TBC1D2B: variants seen among roughly 807,000 people sequenced by gnomAD.
TBC1D2B encodes the protein TBC1 domain family, member 2B.
TBC1D2B carries 64 observed loss-of-function variants against 100.8 expected under a neutral mutation model. That is an observed-to-expected ratio of 0.64 (90% CI 0.52 to 0.78). The LOEUF is 0.78. Ranked by LOEUF, TBC1D2B falls within the 30% of genes least tolerant of loss-of-function variation. TBC1D2B has a pLI of 0.00. For synonymous variants in TBC1D2B, 480 were observed against 479.7 expected, an observed-to-expected ratio of 1.00 and a Z score of -0.01; for missense variants, 1,052 against 1,218.4, an observed-to-expected ratio of 0.86 and a Z score of 2.03.
intron 1 of TBC1D2B, among the ~76,000 whole-genome samples, chr15:78,071,577 T>A (rs1183313647): frequency 6.6e-6 from 1 of 152,092 alleles, no homozygotes; most frequent in East Asian, 1.9e-4. Flanking sequence ...TGGGGAAGGG[T>A]GAGTCATAAC....
intron 10 of TBC1D2B, among the ~76,000 whole-genome samples, chr15:78,008,481 A>G (rs1294186975): frequency 6.6e-6 from 1 of 152,156 alleles, no homozygotes; most frequent in Non-Finnish European, 1.5e-5. Flanking sequence ...CCCTGCCCAG[A>G]CTTCCTCAGG....
At chr15:78,010,212 A>C (rs2072186498) in intron 9 of TBC1D2B, among the ~76,000 whole-genome samples, 1 of 152,184 alleles carries the variant, frequency 6.6e-6, no homozygotes, top group Admixed American at 6.5e-5. Context: ...CTGCATGCAC[A>C]GCAGGGGAAG....
chr15:78,046,529 T>C (rs991345259), intron 2 of TBC1D2B, among the ~76,000 whole-genome samples: 1 of 152,002 alleles, frequency 6.6e-6, no homozygotes, highest in African/African-American at 2.4e-5. Context: ...AGGGTCTCAG[T>C]GAACACGACT....
intron 1 of TBC1D2B, among the ~76,000 whole-genome samples, chr15:78,073,886 T>C (rs1596333660): frequency 6.6e-6 from 1 of 150,918 alleles, no homozygotes; most frequent in East Asian, 2.0e-4. Flanking sequence ...GGAGAATTGC[T>C]TGAACCCGGG....
intron 6 of TBC1D2B, 61 bp from the exon 7 acceptor site, chr15:78,018,018 C>T: frequency 1.1e-6 from 1 of 873,886 alleles, no homozygotes. Flanking sequence ...AATTAATTAC[C>T]CTATGTAGTC....
intron 3 of TBC1D2B, among the ~76,000 whole-genome samples, chr15:78,041,568 T>C (rs954696048): frequency 2.0e-5 from 3 of 152,240 alleles, no homozygotes; most frequent in Admixed American, 6.5e-5. Context: ...GCATTTTGAG[T>C]GCATTAAAAA....
chr15:77,995,600 G>A lies in TBC1D2B; in HGVS notation c.*2560C>T, dbSNP rs2071730090. The A allele has an allele frequency of 6.6e-6, 1 of 152,364 alleles. No homozygotes were observed. The highest frequency in any genetic ancestry group is 2.4e-5 in the African/African-American group (1 of 41,426). 9.4% of individuals were successfully genotyped at this position (152,364 alleles called of 1,614,324 possible). A position where few individuals can be genotyped will look rare whatever the true frequency, so the allele number is the denominator to read the frequency against. On this transcript the variant is annotated 3_prime_UTR_variant, in exon 13 of 13. Coordinates refer to ENST00000300584, the MANE Select transcript of TBC1D2B (RefSeq NM_144572.2). Reference sequence around the variant, plus strand: ...AATCTAGAAACACCTTGAGAAAATAGCCTATAAAAATATAAACTGTAGTGA... The same window carrying A: ...AATCTAGAAACACCTTGAGAAAATAACCTATAAAAATATAAACTGTAGTGA...
chr15:78,059,659 C>T (rs1412861334), intron 1 of TBC1D2B, among the ~76,000 whole-genome samples: 1 of 152,062 alleles, frequency 6.6e-6, no homozygotes, highest in Non-Finnish European at 1.5e-5. Flanking sequence ...CCAGCTGCTC[C>T]CACAAGCTGC....
intron 3 of TBC1D2B, among the ~76,000 whole-genome samples, chr15:78,039,061 G>A (rs2073014103): frequency 6.6e-6 from 1 of 152,210 alleles, no homozygotes; most frequent in African/African-American, 2.4e-5. Flanking sequence ...ATGGGCCAAA[G>A]AGCAAGTTGC....
Position 78,024,467 on chromosome 15 carries a change from A to C in TBC1D2B, c.1159T>G (p.Cys387Gly). The change falls in exon 6 of 13, where the codon TGT becomes GGT. Residue 387 changes from cysteine (C) to glycine (G), a missense_variant. Physicochemically the swap from Cys to Gly is radical, Grantham distance 159. This residue lies in a region of TBC1D2B where 627 missense variants were observed against 646.1 expected (regional missense o/e 0.97). Coordinates refer to ENST00000300584, the MANE Select transcript of TBC1D2B (RefSeq NM_144572.2). ...YDKYFTSSRL[C>G]EGVPKDTLEL... is the part of the protein sequence containing the mutation. ...AGCGTGTCCTTTGGGACCCCCTCAC[A>C]GAGCCGGCTGCTTGTGAAATACTTG... The C allele has an allele frequency of 6.2e-7, 1 of 1,614,068 alleles. No homozygotes were observed. The highest frequency in any genetic ancestry group is 8.5e-7 in the Non-Finnish European group (1 of 1,179,904).
chr15:78,039,909 C>T (rs1370104671), intron 3 of TBC1D2B, among the ~76,000 whole-genome samples: 1 of 152,176 alleles, frequency 6.6e-6, no homozygotes, highest in Non-Finnish European at 1.5e-5. Context: ...CACAATGTGA[C>T]CCCACTCTTG....
chr15:78,066,141 G>A, intron 1 of TBC1D2B: 1 of 459,696 alleles, frequency 2.2e-6, no homozygotes, highest in South Asian at 1.6e-5. Flanking sequence ...AGGAACCCTA[G>A]CACGTAGGGT....
At position 78,010,299 on chromosome 15, in the gene TBC1D2B, T is replaced by C. The variant is rs556349818; in HGVS notation, c.2271-1185A>G. Among the ~76,000 whole-genome samples, 35 of 152,200 alleles carry C rather than the reference T, an allele frequency of 2.3e-4. 1 individual carries two copies. Among genetic ancestry groups the C allele is most frequent in the Admixed American group, 2.0e-4 (3 of 15,290 alleles). On this transcript the variant is annotated intron_variant, in intron 9 of 12. Coordinates refer to ENST00000300584, the MANE Select transcript of TBC1D2B (RefSeq NM_144572.2). The stretch of plus-strand genomic sequence containing the variant: ...CTATTTACATGCTGTCACTAATCAA[T>C]AGCCCTGGTATGGCTCCAAGCGGGA...
intron 9 of TBC1D2B, among the ~76,000 whole-genome samples, chr15:78,011,141 T>C (rs898195803): frequency 3.9e-5 from 6 of 152,030 alleles, no homozygotes; most frequent in Non-Finnish European, 5.9e-5. Context: ...TGTCTAGGAG[T>C]AGCTATAGTC....
intron 9 of TBC1D2B, among the ~76,000 whole-genome samples, chr15:78,009,855 G>GA (rs2072174063): frequency 6.6e-6 from 1 of 151,736 alleles, no homozygotes; most frequent in Non-Finnish European, 1.5e-5. Flanking sequence ...GGCGCCTGTA[G>GA]TCCAAGCTAC....
At chr15:78,002,692 C>G (rs2071947707) in intron 11 of TBC1D2B, 2 of 152,696 alleles carry the variant, frequency 1.3e-5, no homozygotes, top group Admixed American at 1.3e-4. Context: ...ATCCTCCTAC[C>G]TCAGCCTCCC....
chr15:77,998,656 G>C (rs1003881760), intron 12 of TBC1D2B: 2 of 329,414 alleles, frequency 6.1e-6, no homozygotes, highest in African/African-American at 2.1e-5. Flanking sequence ...GGTAAGAGTA[G>C]TGCCACCTCC....
chr15:78,076,857 C>T (rs956158779), intron 1 of TBC1D2B, among the ~76,000 whole-genome samples: 4 of 152,196 alleles, frequency 2.6e-5, no homozygotes, highest in African/African-American at 9.7e-5. Flanking sequence ...TACTGTTATC[C>T]CATTTTACAG....
At chr15:78,029,030 G>T (rs1294202202) in intron 4 of TBC1D2B, among the ~76,000 whole-genome samples, 1 of 151,718 alleles carries the variant, frequency 6.6e-6, no homozygotes, top group East Asian at 1.9e-4. Flanking sequence ...TATTGTAACT[G>T]TAAATATAAT....
Sources: gnomAD v4.1 joint callset for allele counts (sites outside exome capture counted in the v4.1 genomes callset) on GRCh38, gnomAD v4.1.1 for gene constraint, gnomAD v4.1.1 regional missense constraint, MANE v1.5 for transcripts, NCBI Gene and HGNC (gene_info 2026-07-23, HGNC 2026-07-21) for gene names.